Variants in MYT1L observed in about 807,000 individuals in gnomAD.
MYT1L encodes myelin transcription factor 1 like.
MYT1L carries 12 observed loss-of-function variants against 126.7 expected under a neutral mutation model. The observed-to-expected ratio is 0.09, with a 90% CI of 0.06 to 0.15. MYT1L has a LOEUF of 0.15. MYT1L is among the 10% of genes least tolerant of loss of function. MYT1L has a pLI of 1.00. For synonymous variants in MYT1L, 541 were observed against 604.2 expected (o/e 0.90, Z 1.53); for missense variants, 979 against 1,585.2 (o/e 0.62, Z 6.49).
intron 3 of MYT1L, among the ~76,000 whole-genome samples, chr2:2,058,652 A>G (rs2069948220): frequency 6.6e-6 from 1 of 152,272 alleles, no homozygotes. Flanking sequence ...CTAATTTATT[A>G]GGTAAAAACA....
intron 4 of MYT1L, among the ~76,000 whole-genome samples, chr2:2,046,525 C>T (rs545649496): frequency 2.6e-4 from 40 of 152,290 alleles, no homozygotes; most frequent in African/African-American, 8.9e-4. Flanking sequence ...TGACAAGTGC[C>T]ATTTTCACTC....
At chr2:2,294,902 G>A (rs1463746070) in intron 1 of MYT1L, among the ~76,000 whole-genome samples, 1 of 152,194 alleles carries the variant, frequency 6.6e-6, no homozygotes, top group Non-Finnish European at 1.5e-5. Context: ...TCCGGGTGGA[G>A]AAGCAATCAA....
chr2:1,925,096 A>T (rs1465603738), intron 9 of MYT1L, among the ~76,000 whole-genome samples: 1 of 152,238 alleles, frequency 6.6e-6, no homozygotes, highest in Non-Finnish European at 1.5e-5. Flanking sequence ...ATGAATGATA[A>T]GCTATGATTT....
chr2:2,042,531 C>A (rs558951156), intron 4 of MYT1L, among the ~76,000 whole-genome samples: 76 of 152,222 alleles, frequency 5.0e-4, no homozygotes, highest in Non-Finnish European at 7.6e-4. Context: ...TTTCTAGAAA[C>A]CTTGTTCTAA....
intron 18 of MYT1L, among the ~76,000 whole-genome samples, chr2:1,853,389 A>G (rs2043520268): frequency 1.3e-5 from 2 of 152,240 alleles, no homozygotes; most frequent in Admixed American, 6.5e-5. Flanking sequence ...TTGTTCAAGT[A>G]ACAGCTGTTC....
intron 4 of MYT1L, among the ~76,000 whole-genome samples, chr2:2,005,519 C>CTTTCCTGCATGTGTTA (rs1160162930): frequency 6.8e-6 from 1 of 147,250 alleles, no homozygotes; most frequent in Non-Finnish European, 1.5e-5. Context: ...TGCATGTGTT[C>CTTTCCTGCATGTGTTA]TTTCCTGCAG....
chr2:2,095,331 T>C (rs2150416342), intron 3 of MYT1L, among the ~76,000 whole-genome samples: 1 of 152,360 alleles, frequency 6.6e-6, no homozygotes, highest in Non-Finnish European at 1.5e-5. Flanking sequence ...TGAGTTTATC[T>C]GGAGAGCCAG....
chr2:2,013,664 C>T (rs1357414349), intron 4 of MYT1L, among the ~76,000 whole-genome samples: 3 of 152,266 alleles, frequency 2.0e-5, no homozygotes, highest in African/African-American at 7.2e-5. Flanking sequence ...CGGGGACATG[C>T]TGGAGGCATG....
intron 8 of MYT1L, among the ~76,000 whole-genome samples, chr2:1,975,228 C>T (rs1043673063): frequency 2.8e-5 from 2 of 71,192 alleles, no homozygotes; most frequent in South Asian, 8.0e-4. Flanking sequence ...ACTGAGGAGG[C>T]GTGGCTCACC....
intron 14 of MYT1L, among the ~76,000 whole-genome samples, chr2:1,897,060 A>G (rs571305402): frequency 1.3e-5 from 2 of 152,338 alleles, no homozygotes; most frequent in African/African-American, 4.8e-5. Flanking sequence ...TGATGTGCCT[A>G]TCAACTCACT....
At chr2:1,952,827 C>T (rs1196850538) in intron 8 of MYT1L, among the ~76,000 whole-genome samples, 1,063 of 65,956 alleles carry the variant, frequency 0.016, 41 homozygotes, top group Non-Finnish European at 0.019. Context: ...CTCTCTCCCT[C>T]CCTCCTTCCC....
intron 3 of MYT1L, among the ~76,000 whole-genome samples, chr2:2,135,752 A>G (rs1024538142): frequency 6.6e-6 from 1 of 152,174 alleles, no homozygotes; most frequent in Non-Finnish European, 1.5e-5. Flanking sequence ...GCCATCATCA[A>G]TGAGTGACCA....
At chr2:2,023,533 A>G (rs950808840) in intron 4 of MYT1L, among the ~76,000 whole-genome samples, 2 of 152,080 alleles carry the variant, frequency 1.3e-5, no homozygotes, top group African/African-American at 2.4e-5. Flanking sequence ...GTGGGTGTGG[A>G]CGGGAAGCTC....
intron 2 of MYT1L, among the ~76,000 whole-genome samples, chr2:2,274,239 A>G (rs934901600): frequency 3.3e-5 from 5 of 151,488 alleles, no homozygotes; most frequent in Non-Finnish European, 7.4e-5. Flanking sequence ...GTATGAAAAT[A>G]TTATATATAA....
At chr2:2,140,482 T>C (rs1202264164) in intron 3 of MYT1L, among the ~76,000 whole-genome samples, 1 of 148,208 alleles carries the variant, frequency 6.7e-6, no homozygotes, top group Non-Finnish European at 1.5e-5. Flanking sequence ...TTGCCCAGGC[T>C]GGAGTGCAGT....
intron 14 of MYT1L, among the ~76,000 whole-genome samples, chr2:1,899,151 G>T (rs899915223): frequency 1.3e-5 from 2 of 152,198 alleles, no homozygotes; most frequent in African/African-American, 4.8e-5. Context: ...ATAGGCCAGG[G>T]GTTGGCAACT....
chr2:2,114,490 G>A lies in MYT1L; in HGVS notation c.-304+58382C>T, dbSNP rs572732202. Among the ~76,000 whole-genome samples the A allele has an allele frequency of 3.3e-5, 5 of 152,300 alleles. No homozygotes were observed. In the South Asian group the frequency reaches 6.2e-4, roughly 19 times the overall value. ...TCGCCCAGTTTAAGATAGGCTTCCT[G>A]CAGCTCTGTCATGAACACCTTCCTT... On this transcript the variant is annotated intron_variant, in intron 3 of 24. Coordinates refer to ENST00000647738, the MANE Select transcript of MYT1L (RefSeq NM_001303052.2).
chr2:1,955,597 A>G (rs1464379114), intron 8 of MYT1L, among the ~76,000 whole-genome samples: 1 of 152,222 alleles, frequency 6.6e-6, no homozygotes. Flanking sequence ...CAATAGTTTA[A>G]TGGGCATCAG....
chr2:1,796,912 C>T (rs555063855), intron 23 of MYT1L, among the ~76,000 whole-genome samples: 3 of 152,336 alleles, frequency 2.0e-5, no homozygotes, highest in Admixed American at 2.0e-4. Flanking sequence ...GTCCCCTGCT[C>T]TCTCCTCCTC....
Sources: gnomAD v4.1 joint callset for allele counts (sites outside exome capture counted in the v4.1 genomes callset) on GRCh38, gnomAD v4.1.1 for gene constraint, MANE v1.5 for transcripts, NCBI Gene and HGNC (gene_info 2026-07-23, HGNC 2026-07-21) for gene names.